APOBEC3F: variants seen among roughly 807,000 people sequenced by gnomAD.
APOBEC3F encodes the protein DNA dC->dU-editing enzyme APOBEC-3F.
APOBEC3F carries 34 observed loss-of-function variants against 45.8 expected under a neutral mutation model. That is an observed-to-expected ratio of 0.74 (90% CI 0.57 to 0.99). The LOEUF (loss-of-function observed/expected upper bound fraction) is 0.99. Ranked by LOEUF, APOBEC3F falls within the 50% of genes least tolerant of loss-of-function variation. The probability of loss-of-function intolerance (pLI) is 0.00; values close to 1 mark genes in which losing one functional copy is unlikely to be tolerated. For missense variants in APOBEC3F, 459 were observed against 474.1 expected (o/e 0.97, Z 0.30); for synonymous variants, 192 against 174.4 (o/e 1.10, Z -0.80).
chr22:39,047,751 C>A (rs1211199227), intron 4 of APOBEC3F, among the ~76,000 whole-genome samples: 2 of 152,206 alleles, frequency 1.3e-5, no homozygotes, highest in East Asian at 3.9e-4. Context: ...TGAGACTCTC[C>A]CCCGAAAGTC....
Position 39,055,630 on chromosome 22 carries a change from G to C in APOBEC3F, c.*2935G>C, listed in dbSNP as rs1170165835. On this transcript the variant is annotated 3_prime_UTR_variant, in exon 7 of 7. Coordinates refer to ENST00000308521, the MANE Select transcript of APOBEC3F (RefSeq NM_145298.6). ...TCAGAAGGAAGCAAAAAGTTAGAAA[G>C]ATGCAGAAGTAAGATCAATGGCCAG... Among the ~76,000 whole-genome samples, 1 of 152,156 alleles carries C rather than the reference G, an allele frequency of 6.6e-6. No individual in the cohort carries two copies.
intron 2 of APOBEC3F, chr22:39,044,089 A>G: frequency 1.3e-6 from 2 of 1,548,802 alleles, no homozygotes; most frequent in Non-Finnish European, 1.7e-6. Context: ...TCAGGTGCCC[A>G]GGTCTTTCAT....
At chr22:39,048,531 T>A (rs1055156699) in intron 4 of APOBEC3F, among the ~76,000 whole-genome samples, 3 of 151,822 alleles carry the variant, frequency 2.0e-5, no homozygotes, top group Non-Finnish European at 4.4e-5. Flanking sequence ...AAACTAGGTC[T>A]GGCCGCGATG....
Position 39,052,940 on chromosome 22 carries a change from C to T in APOBEC3F, c.*245C>T. 2 of 810,318 alleles carry T rather than the reference C, an allele frequency of 2.5e-6. No individual in the cohort carries two copies. The highest frequency in any genetic ancestry group is 3.4e-6 in the Non-Finnish European group (2 of 590,798). 50.2% of individuals were successfully genotyped at this position (810,318 alleles called of 1,614,324 possible). Reference sequence around the variant, plus strand: ...CCCACCAAGACCCTGTTCCCTGAGCCTGCATGCCCCTAACCTGCCTTTTCC... The same window carrying T: ...CCCACCAAGACCCTGTTCCCTGAGCTTGCATGCCCCTAACCTGCCTTTTCC... On this transcript the variant is annotated 3_prime_UTR_variant, in exon 7 of 7. Coordinates refer to ENST00000308521, the MANE Select transcript of APOBEC3F (RefSeq NM_145298.6).
chr22:39,041,777 G>A (rs1299454390), intron 1 of APOBEC3F, among the ~76,000 whole-genome samples: 1 of 151,948 alleles, frequency 6.6e-6, no homozygotes, highest in Non-Finnish European at 1.5e-5. Flanking sequence ...CAGGAGAATC[G>A]CTTGAACCCA....
intron 2 of APOBEC3F, among the ~76,000 whole-genome samples, 185 bp downstream of exon 2, chr22:39,043,275 T>G (rs1306186908): frequency 6.6e-6 from 1 of 150,824 alleles, no homozygotes; most frequent in Non-Finnish European, 1.5e-5. Flanking sequence ...GGAGGGGGTT[T>G]GCCTTTGCAC....
At chr22:39,043,974 G>T (rs1321239670) in intron 2 of APOBEC3F, 3 of 1,408,510 alleles carry the variant, frequency 2.1e-6, no homozygotes, top group Non-Finnish European at 2.8e-6. Flanking sequence ...GTAGTGAGCC[G>T]AGATTGCATC....
intron 5 of APOBEC3F, among the ~76,000 whole-genome samples, chr22:39,051,411 C>T (rs900185312): frequency 2.0e-5 from 3 of 151,826 alleles, no homozygotes; most frequent in Non-Finnish European, 4.4e-5. Flanking sequence ...GTGGCGGGCG[C>T]CTGTAGTCCC....
Position 39,049,498 on chromosome 22 carries a change from A to T in APOBEC3F, c.640A>T (p.Asn214Tyr), listed in dbSNP as rs760360766. 6.2e-6 allele frequency: 10 copies of T among 1,613,976 alleles called. No individual in the cohort carries two copies. In the South Asian group the frequency reaches 1.1e-4, roughly 18 times the overall value. Residue 214 changes from asparagine to tyrosine, a missense_variant, in exon 5 of 7, where the codon AAC becomes TAC. By Grantham distance (143) the Asn-to-Tyr change is moderately radical. Coordinates refer to ENST00000308521, the MANE Select transcript of APOBEC3F (RefSeq NM_145298.6). ...AAACCTACGCAAAGCCTATGGTCGG[A>T]ACGAAAGCTGGCTGTGCTTCACCAT... ...FKNLRKAYGR[N>Y]ESWLCFTMEV...
In APOBEC3F at chr22:39,045,081, C is replaced by T. The variant is rs1452247221; in HGVS notation, c.312C>T (p.Ala104=). 67 of 1,613,716 alleles carry T rather than the reference C, an allele frequency of 4.2e-5. No individual in the cohort carries two copies. Among genetic ancestry groups the T allele is most frequent in the Non-Finnish European group, 5.5e-5 (65 of 1,179,930 alleles). The change falls in exon 3 of 7, where the codon GCC becomes GCT. Residue 104 remains alanine, a synonymous_variant. Transcript: ENST00000308521. ...GCCCGGACTGTGTGGCGAAGCTGGC[C>T]GAATTCCTGGCTGAGCACCCCAATG... ...TPCPDCVAKL[A]EFLAEHPNVT...
chr22:39,047,569 G>C (rs1368734993), intron 4 of APOBEC3F, among the ~76,000 whole-genome samples: 1 of 152,142 alleles, frequency 6.6e-6, no homozygotes, highest in Non-Finnish European at 1.5e-5. Context: ...TGGTGGCCCT[G>C]CTGGGCCTCA....
At chr22:39,049,176 C>T (rs976682795) in intron 4 of APOBEC3F, among the ~76,000 whole-genome samples, 4 of 152,154 alleles carry the variant, frequency 2.6e-5, no homozygotes, top group South Asian at 2.1e-4. Flanking sequence ...GGTTGGGAGA[C>T]GTGTGGCAGA....
chr22:39,044,596 A>G lies in APOBEC3F; in HGVS notation c.172-345A>G, dbSNP rs1439694286. On this transcript the variant is annotated intron_variant, in intron 2 of 6. Coordinates refer to ENST00000308521, the MANE Select transcript of APOBEC3F (RefSeq NM_145298.6). ...CCATGCCACGGGGACAAGAGGAAGCAGTTTAGTCTGACATACTGCCCCCCC... is the reference window on the plus strand; with the variant it reads ...CCATGCCACGGGGACAAGAGGAAGCGGTTTAGTCTGACATACTGCCCCCCC... Among the ~76,000 whole-genome samples the G allele has an allele frequency of 2.6e-5, 4 of 152,236 alleles. No homozygotes were observed. The East Asian group carries it at 7.7e-4, about 29-fold the overall frequency.
chr22:39,050,574 G>A (rs1160965688), intron 5 of APOBEC3F, among the ~76,000 whole-genome samples: 1 of 150,968 alleles, frequency 6.6e-6, no homozygotes, highest in East Asian at 1.9e-4. Context: ...AGAAATTTTA[G>A]TGTCTGCATT....
Position 39,052,957 on chromosome 22 carries a change from G to T in APOBEC3F, c.*262G>T. ...CCCTGAGCCTGCATGCCCCTAACCT[G>T]CCTTTTCCCATCTCCCCAGCATAAC... On this transcript the variant is annotated 3_prime_UTR_variant, in exon 7 of 7. Transcript: ENST00000308521. 1.7e-6 allele frequency: 1 copy of T among 591,438 alleles called. No homozygotes were observed. Among genetic ancestry groups the T allele is most frequent in the South Asian group, 6.1e-5 (1 of 16,350 alleles). 36.6% of individuals were successfully genotyped at this position (591,438 alleles called of 1,614,324 possible).
In APOBEC3F at chr22:39,040,988, C is replaced by T; in HGVS notation, c.17+11C>T. 1.3e-6 allele frequency: 2 copies of T among 1,583,166 alleles called. No homozygotes were observed. Among genetic ancestry groups the T allele is most frequent in the Non-Finnish European group, 1.7e-6 (2 of 1,164,336 alleles). On this transcript the variant is annotated intron_variant, in intron 1 of 6. Transcript: ENST00000308521. ...GAAGCCTCACTTCAGGTACCGCTGCCCGCTCTACCCGCTGGGCCCCTCTGC... is the reference window on the plus strand; with the variant it reads ...GAAGCCTCACTTCAGGTACCGCTGCTCGCTCTACCCGCTGGGCCCCTCTGC...
rs1271517948 is a variant in APOBEC3F at position 39,044,963 on chromosome 22, A to T, written c.194A>T (p.His65Leu). 8.1e-6 allele frequency: 13 copies of T among 1,613,180 alleles called. No homozygotes were observed. The highest frequency in any genetic ancestry group is 1.1e-5 in the Non-Finnish European group (13 of 1,179,902). ...CAGGTGTATTCCCAGCCTGAGCACC[A>T]CGCAGAAATGTGCTTCCTCTCTTGG... Reference protein sequence around the residue: ...RGQVYSQPEHHAEMCFLSWFC... With the variant: ...RGQVYSQPEHLAEMCFLSWFC... Residue 65 changes from histidine to leucine, a missense_variant, in exon 3 of 7, where the codon CAC becomes CTC. Physicochemically the swap from His to Leu is moderately conservative, Grantham distance 99 (BLOSUM62 -3). Transcript: ENST00000308521.
At chr22:39,044,229 A>G in intron 2 of APOBEC3F, 1 of 1,598,548 alleles carries the variant, frequency 6.3e-7, no homozygotes, top group South Asian at 1.1e-5. Context: ...GGGCCAGGCC[A>G]CAGCAGGGGC....
chr22:39,043,472 T>A (rs1319968629), intron 2 of APOBEC3F, among the ~76,000 whole-genome samples: 2 of 149,904 alleles, frequency 1.3e-5, no homozygotes, highest in African/African-American at 2.5e-5. Context: ...AGCTAATTTT[T>A]TTTTTTTTTG....
Sources: allele counts gnomAD v4.1 joint callset (sites outside exome capture counted in the v4.1 genomes callset), GRCh38; gene constraint gnomAD v4.1.1; transcripts MANE v1.5; gene names NCBI Gene and HGNC (gene_info 2026-07-23, HGNC 2026-07-21).